Variants in IGSF10 observed in about 807,000 individuals in gnomAD.
The protein encoded by IGSF10 is immunoglobulin superfamily member 10.
A neutral mutation model predicts 128.2 loss-of-function variants in IGSF10; 126 were observed. The ratio of observed to expected loss-of-function variants is 0.98; its 90% CI spans 0.85 to 1.14. The LOEUF (loss-of-function observed/expected upper bound fraction) is 1.14. IGSF10 is among the 50% of genes most tolerant of loss of function. The pLI is 0.00. For synonymous variants in IGSF10, 1,185 were observed against 1,146.2 expected (o/e 1.03, Z -0.68); for missense variants, 3,295 against 3,149.8 (o/e 1.05, Z -1.10).
At chr3:151,516,035 A>G in the IGSF10 span, among the ~76,000 whole-genome samples, 1 of 152,036 alleles carries the variant, frequency 6.6e-6, no homozygotes, top group Non-Finnish European at 1.5e-5. Flanking sequence ...AAAGCTTTTC[A>G]TGGTTCACTG....
the IGSF10 span, among the ~76,000 whole-genome samples, chr3:151,564,686 A>C: frequency 6.6e-6 from 1 of 152,124 alleles, no homozygotes; most frequent in East Asian, 1.9e-4. Flanking sequence ...GGGTTACGGC[A>C]GTTGAATGAG....
intron 7 of IGSF10, 100 bp from the exon 8 acceptor site, chr3:151,438,697 T>C (rs1266404745): frequency 3.8e-6 from 3 of 794,524 alleles, no homozygotes; most frequent in Non-Finnish European, 4.0e-6. Context: ...TATTGAAGCA[T>C]GACCAATGAA....
chr3:151,603,331 A>G, the IGSF10 span, among the ~76,000 whole-genome samples: 8 of 152,204 alleles, frequency 5.3e-5, no homozygotes, highest in African/African-American at 1.7e-4. Context: ...AACCGAACCT[A>G]TTCATGGGGT....
rs1233385178 is a variant in IGSF10, at chr3:151,443,740, A to G, written c.5207T>C (p.Val1736Ala). The change falls in exon 7 of 8, where the codon GTC becomes GCC. Residue 1736 changes from valine (V) to alanine (A), a missense_variant. Coordinates refer to ENST00000282466, the MANE Select transcript of IGSF10 (RefSeq NM_178822.5). The part of the protein sequence containing the change: ...SNLFGTDHLH[V>A]TLSVVSYPPR... ...AGGATAGGAAACCACAGACAAGGTGACATGAAGGTGGTCTGTGCCAAACAG... is the reference window on the plus strand; with the variant it reads ...AGGATAGGAAACCACAGACAAGGTGGCATGAAGGTGGTCTGTGCCAAACAG... 8 of 1,614,206 alleles carry G rather than the reference A, an allele frequency of 5.0e-6. No individual in the cohort carries two copies. Among genetic ancestry groups the G allele is most frequent in the Non-Finnish European group, 5.9e-6 (7 of 1,180,036 alleles).
the IGSF10 span, among the ~76,000 whole-genome samples, chr3:151,515,325 G>A: frequency 6.6e-6 from 1 of 151,742 alleles, no homozygotes; most frequent in Non-Finnish European, 1.5e-5. Context: ...GTATGGACAT[G>A]GATGAAGCTG....
chr3:151,449,383 G>A, intron 5 of IGSF10, 118 bp from the exon 6 acceptor site: 6 of 1,016,934 alleles, frequency 5.9e-6, no homozygotes, highest in Non-Finnish European at 8.3e-6. Context: ...AGTGTTCAAT[G>A]GAAAGTTTTC....
chr3:151,592,430 A>G, the IGSF10 span, among the ~76,000 whole-genome samples: 11 of 152,134 alleles, frequency 7.2e-5, no homozygotes, highest in African/African-American at 2.7e-4. Context: ...AGCAGGCAGC[A>G]TGTGCATCAG....
At chr3:151,469,183 G>A in the IGSF10 span, among the ~76,000 whole-genome samples, 2 of 152,184 alleles carry the variant, frequency 1.3e-5, no homozygotes, top group Non-Finnish European at 2.9e-5. Context: ...ATCGTGAATA[G>A]TGCTGCAATG....
At chr3:151,562,871 A>G in the IGSF10 span, among the ~76,000 whole-genome samples, 10 of 152,130 alleles carry the variant, frequency 6.6e-5, no homozygotes, top group Admixed American at 3.3e-4. Flanking sequence ...TCGGATGGAC[A>G]GGAAAAGTGC....
the IGSF10 span, among the ~76,000 whole-genome samples, chr3:151,575,504 G>C: frequency 6.6e-6 from 1 of 152,200 alleles, no homozygotes; most frequent in Non-Finnish European, 1.5e-5. Context: ...AGTGAGCAAG[G>C]CTCCATGGGC....
At chr3:151,487,782 C>T in the IGSF10 span, among the ~76,000 whole-genome samples, 13 of 152,024 alleles carry the variant, frequency 8.6e-5, no homozygotes, top group East Asian at 5.8e-4. Context: ...TTCTACAGCC[C>T]TTCATGCTAA....
chr3:151,435,959 A>AG (rs1372160834), downstream of IGSF10: 18 of 152,310 alleles, frequency 1.2e-4, no homozygotes, highest in Middle Eastern at 0.01. Context: ...GGGGTGCCTG[A>AG]GCTAGATTTT....
chr3:151,584,906 C>T, the IGSF10 span, among the ~76,000 whole-genome samples: 5 of 152,184 alleles, frequency 3.3e-5, no homozygotes, highest in East Asian at 1.9e-4. Flanking sequence ...GACCAAGTAA[C>T]GGGCAATAGG....
Position 151,438,813 on chromosome 3 carries a change from T to C in IGSF10, c.5964-216A>G, listed in dbSNP as rs1054711668. ...CACATATTTGAGATATATATATATA[T>C]ACATTTTGAGATATATATATATACA... is the stretch of plus-strand genomic sequence containing the variant. On this transcript the variant is annotated intron_variant, in intron 7 of 7. Transcript: ENST00000282466. Among the ~76,000 whole-genome samples, 6 of 143,006 alleles carry C rather than the reference T, an allele frequency of 4.2e-5. No individual in the cohort carries two copies. The South Asian group carries it at 1.2e-3, about 28-fold the overall frequency. The allele number at this position is 143,006 out of a possible 152,430, so 93.8% of individuals were successfully genotyped here.
chr3:151,596,594 C>T, the IGSF10 span, among the ~76,000 whole-genome samples: 1 of 152,152 alleles, frequency 6.6e-6, no homozygotes, highest in Non-Finnish European at 1.5e-5. Flanking sequence ...CTGACACCAG[C>T]GTCTTAGAGA....
chr3:151,528,250 C>T, the IGSF10 span, among the ~76,000 whole-genome samples: 2 of 152,242 alleles, frequency 1.3e-5, no homozygotes, highest in African/African-American at 4.8e-5. Context: ...ATCTGTTATT[C>T]ATTCTTTTTG....
rs1560170238 is a variant in IGSF10, at chr3:151,437,883, G to C, written c.6678C>G (p.Tyr2226Ter). The change falls in exon 8 of 8, where the codon TAC becomes TAG. Residue 2226 changes from tyrosine to a stop codon, truncating the protein, a stop_gained. Coordinates refer to ENST00000282466, the MANE Select transcript of IGSF10 (RefSeq NM_178822.5). LOFTEE classifies it low-confidence loss of function (END_TRUNC). ...RNPSGDDTKMYKLDVVSKPPL... is the reference protein window; with the variant it reads ...RNPSGDDTKM ...GAGGTTTAGAGACCACATCCAGTTT[G>C]TACATTTTGGTGTCATCCCCACTGG... 5.6e-6 allele frequency: 9 copies of C among 1,614,090 alleles called. No individual in the cohort carries two copies. The highest frequency in any genetic ancestry group is 7.6e-6 in the Non-Finnish European group (9 of 1,179,948).
intron 6 of IGSF10, 125 bp from the exon 7 acceptor site, chr3:151,444,009 C>T (rs1209924365): frequency 9.5e-6 from 7 of 738,530 alleles, no homozygotes; most frequent in Non-Finnish European, 1.5e-5. Context: ...CCCTATGGCT[C>T]ACTTGTATAA....
the IGSF10 span, among the ~76,000 whole-genome samples, chr3:151,514,790 A>G: frequency 2.6e-5 from 4 of 152,314 alleles, no homozygotes; most frequent in African/African-American, 9.6e-5. Context: ...AAACAACCCC[A>G]TCAAAAAGTG....
Sources: gnomAD v4.1 joint callset for allele counts (sites outside exome capture counted in the v4.1 genomes callset) on GRCh38, gnomAD v4.1.1 for gene constraint, MANE v1.5 for transcripts, NCBI Gene and HGNC (gene_info 2026-07-23, HGNC 2026-07-21) for gene names.